Variants in LRRC28 observed in about 807,000 individuals in gnomAD.
LRRC28 encodes leucine-rich repeat-containing protein 28.
A neutral mutation model predicts 45.7 loss-of-function variants in LRRC28; 39 were observed. That is an observed-to-expected ratio of 0.85 (90% confidence interval 0.66 to 1.12). The LOEUF is 1.12. Ranked by LOEUF, LRRC28 falls within the 50% of genes most tolerant of loss-of-function variation. The pLI, the probability that LRRC28 is intolerant of heterozygous loss-of-function variation, is 0.00. For missense variants in LRRC28, 435 were observed against 438.5 expected (o/e 0.99, Z 0.07); for synonymous variants, 206 against 178.8 (o/e 1.15, Z -1.22).
chr15:99,305,724 C>T (rs1955158768), intron 5 of LRRC28, among the ~76,000 whole-genome samples: 1 of 152,042 alleles, frequency 6.6e-6, no homozygotes, highest in Admixed American at 6.6e-5. Context: ...ATTTTTCCTT[C>T]TATATTTTTC....
chr15:99,341,226 G>A (rs940163212), intron 6 of LRRC28, among the ~76,000 whole-genome samples: 1 of 151,790 alleles, frequency 6.6e-6, no homozygotes, highest in Non-Finnish European at 1.5e-5. Context: ...GAGTAGCTGG[G>A]ATTATAGGCG....
At chr15:99,375,995 C>T (rs1219769480) in intron 9 of LRRC28, among the ~76,000 whole-genome samples, 2 of 151,652 alleles carry the variant, frequency 1.3e-5, no homozygotes, top group Non-Finnish European at 2.9e-5. Flanking sequence ...TTTTTAAAAG[C>T]TAAAAGAGGA....
chr15:99,313,970 G>GA (rs1233004286), intron 5 of LRRC28, among the ~76,000 whole-genome samples: 1 of 152,132 alleles, frequency 6.6e-6, no homozygotes, highest in African/African-American at 2.4e-5. Context: ...GTTCTTGAAT[G>GA]AACAAACACT....
chr15:99,304,120 A>C (rs1955090001), intron 5 of LRRC28, among the ~76,000 whole-genome samples: 1 of 152,142 alleles, frequency 6.6e-6, no homozygotes, highest in Admixed American at 6.5e-5. Flanking sequence ...GTTTTTTTGG[A>C]ATACAGCCAT....
At chr15:99,284,715 C>T in intron 3 of LRRC28, 1 of 517,728 alleles carries the variant, frequency 1.9e-6, no homozygotes, top group South Asian at 1.4e-5. Flanking sequence ...ACTCCACCCC[C>T]ATAGGAGCCA....
intron 5 of LRRC28, among the ~76,000 whole-genome samples, chr15:99,315,711 C>T (rs1016204111): frequency 6.6e-6 from 1 of 152,176 alleles, no homozygotes; most frequent in East Asian, 1.9e-4. Flanking sequence ...TACTCTGTGG[C>T]CCCAATTTTG....
At chr15:99,275,896 G>C (rs537360257) in intron 2 of LRRC28, among the ~76,000 whole-genome samples, 58 of 152,280 alleles carry the variant, frequency 3.8e-4, no homozygotes, top group Non-Finnish European at 7.1e-4. Flanking sequence ...TGTTAGGAAC[G>C]GGGCCGCACA....
chr15:99,274,804 T>C (rs2081572762), intron 2 of LRRC28, among the ~76,000 whole-genome samples: 1 of 152,182 alleles, frequency 6.6e-6, no homozygotes. Flanking sequence ...AGTTTCCCAA[T>C]TGTACTTGTT....
At chr15:99,333,171 C>T (rs189096934) in intron 5 of LRRC28, among the ~76,000 whole-genome samples, 1 of 152,288 alleles carries the variant, frequency 6.6e-6, no homozygotes, top group East Asian at 1.9e-4. Flanking sequence ...TCCTAATCTT[C>T]ACTCAAGTCT....
rs748214975 is a variant in LRRC28 at position 99,278,954 on chromosome 15, G to T, written c.209+2338G>T. On this transcript the variant is annotated intron_variant, in intron 3 of 9. Transcript: ENST00000301981. ...CATTTCTTGCTTGATGTTGGCTAGA[G>T]CACTTCCCTCATTTCCTTGCCATTT... 6.6e-5 allele frequency among the ~76,000 whole-genome samples: 10 copies of T among 152,328 alleles called. No individual in the cohort carries two copies. The South Asian group carries it at 2.1e-3, about 32-fold the overall frequency.
At chr15:99,364,331 T>A (rs1330139365) in intron 9 of LRRC28, among the ~76,000 whole-genome samples, 1 of 152,230 alleles carries the variant, frequency 6.6e-6, no homozygotes, top group African/African-American at 2.4e-5. Flanking sequence ...AGTTCCCATT[T>A]ACATAGCTCT....
At chr15:99,253,281 C>A (rs921909319) in intron 1 of LRRC28, among the ~76,000 whole-genome samples, 1 of 152,110 alleles carries the variant, frequency 6.6e-6, no homozygotes, top group Non-Finnish European at 1.5e-5. Context: ...CCACCAAACC[C>A]AGCTAATTTT....
intron 5 of LRRC28, among the ~76,000 whole-genome samples, chr15:99,296,324 G>A (rs1216014618): frequency 2.0e-5 from 3 of 152,208 alleles, no homozygotes; most frequent in African/African-American, 7.2e-5. Context: ...TATGTGATCA[G>A]TTCAGAAGGA....
chr15:99,347,592 C>G (rs780523583), intron 6 of LRRC28, among the ~76,000 whole-genome samples: 21 of 152,216 alleles, frequency 1.4e-4, no homozygotes, highest in African/African-American at 4.3e-4. Context: ...CCAGATTCAT[C>G]CAGGTTTGGC....
chr15:99,289,984 G>T (rs1271318196), intron 5 of LRRC28, among the ~76,000 whole-genome samples: 1 of 145,536 alleles, frequency 6.9e-6, no homozygotes, highest in African/African-American at 2.5e-5. Context: ...CAGGCTGGGC[G>T]CAGTGGATCA....
At chr15:99,282,615 A>G (rs2081837183) in intron 3 of LRRC28, among the ~76,000 whole-genome samples, 1 of 152,222 alleles carries the variant, frequency 6.6e-6, no homozygotes, top group Admixed American at 6.5e-5. Context: ...ATTCAATACG[A>G]TAACATACTG....
chr15:99,389,168 A>T lies in LRRC28; in HGVS notation c.*3066A>T, dbSNP rs1050158821. ...TCTCTTCTGGAAAAGTGAGGTGTAC[A>T]TTAAACATCTTTTGGTCACCGTGCC... On this transcript the variant is annotated 3_prime_UTR_variant, in exon 10 of 10. Transcript: ENST00000301981. 6.6e-6 allele frequency: 1 copy of T among 152,230 alleles called. No homozygotes were observed. Among genetic ancestry groups the T allele is most frequent in the Non-Finnish European group, 1.5e-5 (1 of 68,036 alleles). 9.4% of individuals were successfully genotyped at this position (152,230 alleles called of 1,614,324 possible).
intron 5 of LRRC28, among the ~76,000 whole-genome samples, chr15:99,307,542 T>G (rs1317065659): frequency 1.3e-5 from 2 of 152,242 alleles, no homozygotes; most frequent in Non-Finnish European, 2.9e-5. Context: ...CTAATCCCGT[T>G]CATTCATTTT....
At chr15:99,348,122 T>C (rs990123860) in intron 6 of LRRC28, among the ~76,000 whole-genome samples, 1 of 152,196 alleles carries the variant, frequency 6.6e-6, no homozygotes, top group African/African-American at 2.4e-5. Flanking sequence ...TTTAATTGAG[T>C]TGTTTTTCTG....
Sources: gnomAD v4.1 joint callset for allele counts (sites outside exome capture counted in the v4.1 genomes callset) on GRCh38, gnomAD v4.1.1 for gene constraint, MANE v1.5 for transcripts, NCBI Gene and HGNC (gene_info 2026-07-23, HGNC 2026-07-21) for gene names.